The following SDK1 variants were observed in gnomAD, a reference collection of about 807,000 sequenced individuals.
SDK1 encodes the protein protein sidekick-1.
Under a neutral mutation model 245.5 loss-of-function variants are expected in SDK1, and 157 were observed. The observed-to-expected ratio is 0.64, with a 90% CI of 0.56 to 0.73. The LOEUF is 0.73. SDK1 is among the 30% of genes least tolerant of loss of function. The probability of loss-of-function intolerance (pLI) is 0.00; values close to 1 mark genes in which losing one functional copy is unlikely to be tolerated. For synonymous variants in SDK1, 1,647 were observed against 1,278.5 expected, an observed-to-expected ratio of 1.29 and a Z score of -6.15; for missense variants, 3,583 against 3,002.3, an observed-to-expected ratio of 1.19 and a Z score of -4.52.
rs1785081295 is a variant in SDK1, at chr7:4,220,414, A to G, written c.5701+144A>G. 4 of 799,816 alleles carry G rather than the reference A, an allele frequency of 5.0e-6. No homozygotes were observed. In the East Asian group the frequency reaches 1.1e-4, roughly 22 times the overall value. The allele number at this position is 799,816 out of a possible 1,614,324, so 49.5% of individuals were successfully genotyped here. Reference sequence around the variant, plus strand: ...GCATCAACTCGGGGATGTCTGGGCAACATGGACGTCTTCAAAAGCACGCGT... The same window carrying G: ...GCATCAACTCGGGGATGTCTGGGCAGCATGGACGTCTTCAAAAGCACGCGT... On this transcript the variant is annotated intron_variant, in intron 39 of 44. Transcript: ENST00000404826.
chr7:4,169,743 G>A (rs149172343), intron 32 of SDK1, among the ~76,000 whole-genome samples: 14 of 152,282 alleles, frequency 9.2e-5, no homozygotes, highest in Non-Finnish European at 1.9e-4. Flanking sequence ...GAGGAGACAG[G>A]TGCAGCTTTT....
chr7:3,718,342 TAATAAA>T (rs1785263060), intron 4 of SDK1, among the ~76,000 whole-genome samples: 1 of 150,726 alleles, frequency 6.6e-6, no homozygotes, highest in East Asian at 2.0e-4. Flanking sequence ...CTCAAAAAAA[TAATAAA>T]AATAATAAAT....
intron 4 of SDK1, among the ~76,000 whole-genome samples, chr7:3,798,862 G>A (rs939535691): frequency 4.6e-5 from 7 of 152,174 alleles, no homozygotes; most frequent in Non-Finnish European, 1.0e-4. Flanking sequence ...TAGATACTTG[G>A]AGGTTATGCA....
intron 2 of SDK1, among the ~76,000 whole-genome samples, chr7:3,631,175 C>G (rs931595322): frequency 1.3e-5 from 2 of 152,176 alleles, no homozygotes; most frequent in Admixed American, 6.5e-5. Context: ...CTCAAGCGAT[C>G]CACCCACCTT....
intron 17 of SDK1, among the ~76,000 whole-genome samples, chr7:4,021,223 A>G (rs941117462): frequency 6.6e-6 from 1 of 152,166 alleles, no homozygotes; most frequent in Non-Finnish European, 1.5e-5. Context: ...AAATAAGAGC[A>G]GGAAGTAGAA....
At chr7:3,622,157 C>T (rs1022092181) in intron 2 of SDK1, among the ~76,000 whole-genome samples, 1 of 152,098 alleles carries the variant, frequency 6.6e-6, no homozygotes, top group Non-Finnish European at 1.5e-5. Flanking sequence ...ATAACACCTT[C>T]ATAAGGCTAG....
chr7:3,593,548 A>G (rs1184369416), intron 1 of SDK1, among the ~76,000 whole-genome samples: 5 of 152,198 alleles, frequency 3.3e-5, no homozygotes, highest in Admixed American at 6.5e-5. Flanking sequence ...TGTCTTTCCT[A>G]TTGCCGTACT....
At position 3,498,114 on chromosome 7, in the gene SDK1, C is replaced by T. The variant is rs1466933491; in HGVS notation, c.299-120966C>T. On this transcript the variant is annotated intron_variant, in intron 1 of 44. Transcript: ENST00000404826. Reference sequence around the variant, plus strand: ...CTACATTTAATTTGAAGTTTCAAAACTTTATTCTTAAAACTAATTTGGGCC... The same window carrying T: ...CTACATTTAATTTGAAGTTTCAAAATTTTATTCTTAAAACTAATTTGGGCC... Among the ~76,000 whole-genome samples, 4 of 152,184 alleles carry T rather than the reference C, an allele frequency of 2.6e-5. No homozygotes were observed. In the South Asian group the frequency reaches 8.3e-4, roughly 31 times the overall value.
chr7:3,326,594 G>A (rs1471195259), intron 1 of SDK1, among the ~76,000 whole-genome samples: 2 of 152,140 alleles, frequency 1.3e-5, no homozygotes, highest in African/African-American at 2.4e-5. Flanking sequence ...GAAAGGTAGT[G>A]TTAGTTTACA....
intron 1 of SDK1, among the ~76,000 whole-genome samples, chr7:3,477,516 CTT>C (rs575753517): frequency 5.9e-5 from 8 of 134,458 alleles, no homozygotes; most frequent in Non-Finnish European, 8.2e-5. Flanking sequence ...TTTCTTTTTT[CTT>C]TTTTTTTTTT....
At chr7:3,429,750 C>G (rs1041887755) in intron 1 of SDK1, among the ~76,000 whole-genome samples, 1 of 151,704 alleles carries the variant, frequency 6.6e-6, no homozygotes, top group Non-Finnish European at 1.5e-5. Context: ...GTGTGGGACA[C>G]CATGTCTGGC....
chr7:3,455,858 C>G (rs1393559298), intron 1 of SDK1, among the ~76,000 whole-genome samples: 7 of 152,172 alleles, frequency 4.6e-5, no homozygotes, highest in Non-Finnish European at 1.0e-4. Context: ...GCCAATAGAT[C>G]AATTTGGCGA....
At chr7:4,245,621 C>T (rs373390738) in intron 43 of SDK1, 55 bp from the exon 44 acceptor site, 213 of 1,593,804 alleles carry the variant, frequency 1.3e-4, no homozygotes, top group African/African-American at 4.4e-4. Flanking sequence ...AGGAGTCCTC[C>T]GGGGAAGGGC....
chr7:3,336,936 C>T (rs893169942), intron 1 of SDK1, among the ~76,000 whole-genome samples: 1 of 152,150 alleles, frequency 6.6e-6, no homozygotes, highest in Admixed American at 6.5e-5. Context: ...GTATTAATGC[C>T]TTTTTAGCAG....
chr7:4,137,207 ATG>A (rs1779151320), intron 28 of SDK1, among the ~76,000 whole-genome samples: 1 of 152,168 alleles, frequency 6.6e-6, no homozygotes, highest in Non-Finnish European at 1.5e-5. Flanking sequence ...AGGCATGAGA[ATG>A]GCTTGAACCC....
chr7:3,737,943 T>G (rs1458182800), intron 4 of SDK1, among the ~76,000 whole-genome samples: 1 of 152,238 alleles, frequency 6.6e-6, no homozygotes, highest in Non-Finnish European at 1.5e-5. Context: ...TTGGTTTCTG[T>G]GGTCCAAGGG....
At chr7:3,617,579 C>T (rs951314118) in intron 1 of SDK1, among the ~76,000 whole-genome samples, 1 of 152,158 alleles carries the variant, frequency 6.6e-6, no homozygotes, top group Non-Finnish European at 1.5e-5. Context: ...ACTCTTGGTT[C>T]TAGAGGCTGG....
chr7:3,474,142 G>A (rs1781273975), intron 1 of SDK1, among the ~76,000 whole-genome samples: 1 of 109,114 alleles, frequency 9.2e-6, no homozygotes, highest in Non-Finnish European at 1.7e-5. Flanking sequence ...TCTCTCTGTT[G>A]CCCAGGCTGG....
chr7:3,403,824 C>CAAATATATAT (rs71550401), intron 1 of SDK1, among the ~76,000 whole-genome samples: 1 of 60,750 alleles, frequency 1.6e-5, no homozygotes, highest in Non-Finnish European at 3.5e-5. Flanking sequence ...AAATATCTTA[C>CAAATATATAT]ATATATATAT....
Sources: gnomAD v4.1 joint callset for allele counts (sites outside exome capture counted in the v4.1 genomes callset) on GRCh38, gnomAD v4.1.1 for gene constraint, MANE v1.5 for transcripts, NCBI Gene and HGNC (gene_info 2026-07-23, HGNC 2026-07-21) for gene names.